The following ENOX1 variants were observed in gnomAD, a reference collection of about 807,000 sequenced individuals.
The protein encoded by ENOX1 is ecto-NOX disulfide-thiol exchanger 1, also known as candidate growth-related and time keeping constitutive hydroquinone (NADH) oxidase.
Under a neutral mutation model 82.5 loss-of-function variants are expected in ENOX1, and 42 were observed. The observed-to-expected ratio is 0.51, with a 90% CI of 0.40 to 0.66. The LOEUF (loss-of-function observed/expected upper bound fraction) is 0.66, where lower values mean the gene tolerates loss of function less well. ENOX1 is among the 30% of genes least tolerant of loss of function. ENOX1 has a pLI of 0.00. For missense variants in ENOX1, 608 were observed against 811.6 expected (o/e 0.75, Z 3.05); for synonymous variants, 271 against 282.2 (o/e 0.96, Z 0.40).
chr13:43,478,455 A>C (rs2058379610), intron 3 of ENOX1, among the ~76,000 whole-genome samples: 2 of 152,158 alleles, frequency 1.3e-5, no homozygotes, highest in Admixed American at 1.3e-4. Flanking sequence ...GTATGCAAAA[A>C]AGAAGACAAG....
intron 2 of ENOX1, among the ~76,000 whole-genome samples, chr13:43,534,317 A>T (rs1332215862): frequency 2.0e-5 from 3 of 152,120 alleles, no homozygotes; most frequent in African/African-American, 7.2e-5. Flanking sequence ...CTGCTGAGTT[A>T]AAATTTCCAA....
At chr13:43,413,999 A>C (rs2054297222) in intron 3 of ENOX1, among the ~76,000 whole-genome samples, 1 of 152,092 alleles carries the variant, frequency 6.6e-6, no homozygotes, top group South Asian at 2.1e-4. Context: ...TAAATTTAGA[A>C]GTTTTTCTAA....
intron 3 of ENOX1, among the ~76,000 whole-genome samples, chr13:43,478,448 T>C (rs529644198): frequency 1.3e-5 from 2 of 152,160 alleles, no homozygotes; most frequent in East Asian, 1.9e-4. Context: ...TGATGTCGTA[T>C]GCAAAAAAGA....
chr13:43,385,543 C>T (rs1302367568), intron 5 of ENOX1, among the ~76,000 whole-genome samples: 1 of 152,030 alleles, frequency 6.6e-6, no homozygotes, highest in South Asian at 2.1e-4. Context: ...CATTAGCAAA[C>T]ATTTAAAGAA....
At chr13:43,399,361 T>C (rs1052776245) in intron 5 of ENOX1, among the ~76,000 whole-genome samples, 6 of 152,152 alleles carry the variant, frequency 3.9e-5, no homozygotes, top group African/African-American at 1.2e-4. Context: ...TGGGTGTGCA[T>C]TGGGTACATG....
intron 1 of ENOX1, among the ~76,000 whole-genome samples, chr13:43,745,561 C>T (rs1161822929): frequency 2.6e-5 from 4 of 152,140 alleles, no homozygotes; most frequent in African/African-American, 9.7e-5. Flanking sequence ...CACTACAGCT[C>T]TGTTTGTGAT....
chr13:43,413,174 G>A (rs2054237728), intron 3 of ENOX1, among the ~76,000 whole-genome samples, 186 bp from the exon 4 acceptor site: 1 of 152,184 alleles, frequency 6.6e-6, no homozygotes. Flanking sequence ...TTAGAGCCCT[G>A]TGAGATGTGT....
chr13:43,661,919 G>A (rs1401498404), intron 2 of ENOX1, among the ~76,000 whole-genome samples: 3 of 152,148 alleles, frequency 2.0e-5, no homozygotes, highest in Non-Finnish European at 4.4e-5. Context: ...CATTATCTTA[G>A]AAGCCAAATG....
At chr13:43,691,787 G>A (rs1325000562) in intron 1 of ENOX1, among the ~76,000 whole-genome samples, 1 of 147,704 alleles carries the variant, frequency 6.8e-6, no homozygotes, top group East Asian at 2.1e-4. Context: ...TGCAATCTCC[G>A]CCTCCCAGGT....
chr13:43,716,479 A>G (rs529410373), intron 1 of ENOX1, among the ~76,000 whole-genome samples: 2 of 152,288 alleles, frequency 1.3e-5, no homozygotes, highest in East Asian at 3.9e-4. Context: ...CGCCAAGCAG[A>G]AATATCTTGA....
intron 2 of ENOX1, among the ~76,000 whole-genome samples, chr13:43,489,285 T>A (rs1180017689): frequency 6.6e-6 from 1 of 152,070 alleles, no homozygotes; most frequent in East Asian, 1.9e-4. Flanking sequence ...CAATCTCAAG[T>A]CTCTGCTCCC....
intron 4 of ENOX1, 104 bp downstream of exon 4, chr13:43,412,741 C>T: frequency 7.4e-7 from 1 of 1,345,550 alleles, no homozygotes; most frequent in Non-Finnish European, 1.0e-6. Flanking sequence ...TCTTTATGGG[C>T]CCAGGCTCCT....
intron 3 of ENOX1, among the ~76,000 whole-genome samples, chr13:43,437,380 A>G (rs1340041844): frequency 6.6e-6 from 1 of 152,212 alleles, no homozygotes; most frequent in Non-Finnish European, 1.5e-5. Flanking sequence ...TGCAACCAAC[A>G]TAATATGACA....
chr13:43,539,365 G>T (rs1002300933), intron 2 of ENOX1, among the ~76,000 whole-genome samples: 5 of 151,838 alleles, frequency 3.3e-5, no homozygotes, highest in Admixed American at 2.0e-4. Flanking sequence ...TTGATATGTC[G>T]ACATTTCAAT....
chr13:43,649,979 G>C (rs2084081603), intron 2 of ENOX1, among the ~76,000 whole-genome samples: 1 of 152,108 alleles, frequency 6.6e-6, no homozygotes, highest in South Asian at 2.1e-4. Flanking sequence ...CTACTCTCTT[G>C]AACTTTTCCT....
chr13:43,470,364 ACG>A (rs1369387421), intron 3 of ENOX1, among the ~76,000 whole-genome samples: 6,425 of 26,218 alleles, frequency 0.25, 1,827 homozygotes, highest in East Asian at 0.3. Context: ...GTATATATAT[ACG>A]TATATATATA....
intron 1 of ENOX1, among the ~76,000 whole-genome samples, chr13:43,746,650 A>T (rs763518786): frequency 2.0e-5 from 3 of 152,166 alleles, no homozygotes; most frequent in Admixed American, 1.3e-4. Flanking sequence ...TTCTAAGAAA[A>T]AGTAACAGGG....
At chr13:43,438,356 G>T (rs1033275036) in intron 3 of ENOX1, among the ~76,000 whole-genome samples, 1 of 152,094 alleles carries the variant, frequency 6.6e-6, no homozygotes, top group Admixed American at 6.6e-5. Context: ...TGAAGAGAGG[G>T]AACAGATTTA....
In ENOX1 at chr13:43,472,698, TTTAA is replaced by T. The variant is rs372610440; in HGVS notation, c.-75+11307_-75+11310del. Among the ~76,000 whole-genome samples the T allele has an allele frequency of 1.1e-4, 17 of 152,342 alleles. No individual in the cohort carries two copies. In the East Asian group the frequency reaches 3.3e-3, roughly 29 times the overall value. Reference sequence around the variant, plus strand: ...TGGAAATTCACCTTTGTAGGCTACCTTTAATTATTTTTCTTGTTTATTTGTCCAG... The same window carrying T: ...TGGAAATTCACCTTTGTAGGCTACCTTTATTTTTCTTGTTTATTTGTCCAG... On this transcript the variant is annotated intron_variant, in intron 3 of 16. Coordinates refer to ENST00000690772, the MANE Select transcript of ENOX1 (RefSeq NM_001347969.2).
Sources: allele counts gnomAD v4.1 joint callset (sites outside exome capture counted in the v4.1 genomes callset), GRCh38; gene constraint gnomAD v4.1.1; transcripts MANE v1.5; gene names NCBI Gene and HGNC (gene_info 2026-07-23, HGNC 2026-07-21).